The following NECTIN3 variants were observed in gnomAD, a reference collection of about 807,000 sequenced individuals.
The protein encoded by NECTIN3 is nectin cell adhesion molecule 3, also known as nectin-3.
A neutral mutation model predicts 49.4 loss-of-function variants in NECTIN3; 8 were observed. The observed-to-expected ratio is 0.16, with a 90% CI of 0.10 to 0.29. NECTIN3 has a LOEUF of 0.29. NECTIN3 is among the 10% of genes least tolerant of loss of function. The pLI, the probability that NECTIN3 is intolerant of heterozygous loss-of-function variation, is 1.00. For missense variants in NECTIN3, 581 were observed against 654.6 expected (o/e 0.89, Z 1.23); for synonymous variants, 277 against 241.1 (o/e 1.15, Z -1.38).
intron 4 of NECTIN3, among the ~76,000 whole-genome samples, chr3:111,123,515 C>A (rs1303784220): frequency 6.6e-6 from 1 of 152,086 alleles, no homozygotes; most frequent in Non-Finnish European, 1.5e-5. Flanking sequence ...CTCCAGATAC[C>A]ACTAATAGAA....
intron 1 of NECTIN3, among the ~76,000 whole-genome samples, chr3:111,109,929 T>C (rs1210232626): frequency 6.6e-6 from 1 of 152,074 alleles, no homozygotes; most frequent in Admixed American, 6.6e-5. Flanking sequence ...AAGTCAGGTT[T>C]ATAAGTTTTT....
At chr3:111,076,084 C>A (rs974285077) in intron 1 of NECTIN3, among the ~76,000 whole-genome samples, 6 of 152,048 alleles carry the variant, frequency 3.9e-5, no homozygotes, top group Admixed American at 2.0e-4. Flanking sequence ...ATTGGAAAAG[C>A]TGGGCAATTG....
At chr3:111,144,935 C>T in exon 6 of NECTIN3, 1 of 1,536,202 alleles carries the variant, frequency 6.5e-7, no homozygotes, top group Non-Finnish European at 8.7e-7. Context: ...ATAGCTGTAG[C>T]TGGAGCGGTA....
chr3:111,133,269 T>C (rs879756460), intron 5 of NECTIN3, among the ~76,000 whole-genome samples: 7 of 152,088 alleles, frequency 4.6e-5, no homozygotes, highest in Non-Finnish European at 1.0e-4. Context: ...TTTTTTGTTA[T>C]AGTAATTATT....
At chr3:111,112,761 C>T (rs2033526021) in intron 2 of NECTIN3, among the ~76,000 whole-genome samples, 1 of 151,928 alleles carries the variant, frequency 6.6e-6, no homozygotes, top group South Asian at 2.1e-4. Context: ...CATCTAGGAG[C>T]CATTGACACC....
chr3:111,114,718 A>G (rs1456290259), intron 2 of NECTIN3, among the ~76,000 whole-genome samples: 1 of 152,184 alleles, frequency 6.6e-6, no homozygotes, highest in African/African-American at 2.4e-5. Context: ...TAGTATGTGA[A>G]CGAAGGCAGG....
intron 1 of NECTIN3, among the ~76,000 whole-genome samples, chr3:111,094,993 A>G (rs1303977594): frequency 1.3e-5 from 2 of 152,172 alleles, no homozygotes; most frequent in African/African-American, 4.8e-5. Context: ...TGCTATGTTA[A>G]CTCATTAGTA....
chr3:111,118,547 T>G (rs2033807007), intron 2 of NECTIN3, 109 bp from the exon 3 acceptor site: 1 of 990,906 alleles, frequency 1.0e-6, no homozygotes, highest in African/African-American at 1.7e-5. Flanking sequence ...GTGTAGATTT[T>G]TATATGCAGT....
intron 2 of NECTIN3, among the ~76,000 whole-genome samples, chr3:111,116,052 A>G (rs1312093831): frequency 6.6e-6 from 1 of 152,150 alleles, no homozygotes; most frequent in Non-Finnish European, 1.5e-5. Flanking sequence ...CTGAAGCATC[A>G]AGCCTTGTAT....
intron 1 of NECTIN3, among the ~76,000 whole-genome samples, chr3:111,106,353 A>G (rs1020750658): frequency 6.6e-6 from 1 of 152,196 alleles, no homozygotes; most frequent in Non-Finnish European, 1.5e-5. Flanking sequence ...TTCTCCTTAG[A>G]ATATAGAAAC....
chr3:111,072,564 G>C, intron 1 of NECTIN3: 1 of 1,535,650 alleles, frequency 6.5e-7, no homozygotes, highest in Non-Finnish European at 8.7e-7. Flanking sequence ...GGTGAAACTT[G>C]AGCTGTGAGC....
chr3:111,084,115 G>A (rs2031790328), intron 1 of NECTIN3, among the ~76,000 whole-genome samples: 1 of 152,064 alleles, frequency 6.6e-6, no homozygotes, highest in Non-Finnish European at 1.5e-5. Flanking sequence ...ATTAGAAATG[G>A]AAGACACTTC....
rs2034585154 is a variant in NECTIN3, at chr3:111,136,639, C to T, written c.*2424C>T. 1.1e-6 allele frequency: 1 copy of T among 905,442 alleles called. No individual in the cohort carries two copies. Among genetic ancestry groups the T allele is most frequent in the Non-Finnish European group, 1.3e-6 (1 of 757,620 alleles). The allele number at this position is 905,442 out of a possible 1,614,324, so 56.1% of individuals were successfully genotyped here. A position where few individuals can be genotyped will look rare whatever the true frequency, so the allele number is the denominator to read the frequency against. On this transcript the variant is annotated 3_prime_UTR_variant, in exon 6 of 6. Coordinates refer to ENST00000485303, the MANE Select transcript of NECTIN3 (RefSeq NM_015480.3). ...TTTTGAATACCAGTGATATTCATAA[C>T]TACTTGACAGGTATATATGAAAATT...
chr3:111,170,331 T>C (rs2035411636), intron 7 of NECTIN3, among the ~76,000 whole-genome samples: 1 of 152,190 alleles, frequency 6.6e-6, no homozygotes. Context: ...GTAGGCATTG[T>C]TACAAGCACT....
chr3:111,123,456 A>C (rs188486510), intron 4 of NECTIN3, among the ~76,000 whole-genome samples: 86 of 152,212 alleles, frequency 5.7e-4, no homozygotes, highest in African/African-American at 2.0e-3. Context: ...TGCTCATTAG[A>C]TTCCACTTAG....
At chr3:111,174,851 C>A (rs1300849475) in intron 7 of NECTIN3, among the ~76,000 whole-genome samples, 1 of 152,128 alleles carries the variant, frequency 6.6e-6, no homozygotes, top group Non-Finnish European at 1.5e-5. Flanking sequence ...CTCAGTGGAC[C>A]CTCTGCCTTT....
At chr3:111,087,994 G>A (rs2032033676) in intron 1 of NECTIN3, among the ~76,000 whole-genome samples, 1 of 152,060 alleles carries the variant, frequency 6.6e-6, no homozygotes, top group Non-Finnish European at 1.5e-5. Flanking sequence ...CACTGTGCCT[G>A]GCAGAAGAAG....
At chr3:111,164,820 C>A (rs914576243) in intron 7 of NECTIN3, among the ~76,000 whole-genome samples, 1 of 152,158 alleles carries the variant, frequency 6.6e-6, no homozygotes, top group Non-Finnish European at 1.5e-5. Context: ...CTAAATAAGG[C>A]CACATTCACA....
chr3:111,157,043 A>G (rs1055563769), intron 7 of NECTIN3, among the ~76,000 whole-genome samples: 2 of 152,088 alleles, frequency 1.3e-5, no homozygotes, highest in African/African-American at 4.8e-5. Context: ...CCCCACAATG[A>G]CATATGTTTA....
Sources: gnomAD v4.1 joint callset for allele counts (sites outside exome capture counted in the v4.1 genomes callset) on GRCh38, gnomAD v4.1.1 for gene constraint, MANE v1.5 for transcripts, NCBI Gene and HGNC (gene_info 2026-07-23, HGNC 2026-07-21) for gene names.